Variants in NTM observed in about 807,000 individuals in gnomAD.
NTM encodes the protein IgLON family member 2.
A neutral mutation model predicts 42.1 loss-of-function variants in NTM; 13 were observed. That is an observed-to-expected ratio of 0.31 (90% CI 0.20 to 0.49). The LOEUF is 0.49. NTM is among the 20% of genes least tolerant of loss of function. The pLI is 0.99. For synonymous variants in NTM, 187 were observed against 179.2 expected, an observed-to-expected ratio of 1.04 and a Z score of -0.35; for missense variants, 373 against 452.8, an observed-to-expected ratio of 0.82 and a Z score of 1.60.
chr11:132,149,611 C>A (rs1362654762), intron 3 of NTM, among the ~76,000 whole-genome samples: 1 of 152,164 alleles, frequency 6.6e-6, no homozygotes, highest in Non-Finnish European at 1.5e-5. Context: ...TCCCATCTAC[C>A]CCCTAGTTCT....
chr11:131,671,571 C>T, intron 1 of NTM: 8 of 985,386 alleles, frequency 8.1e-6, no homozygotes, highest in Non-Finnish European at 9.6e-6. Flanking sequence ...CCCTCACCCT[C>T]CTCTGGAGCC....
At position 132,091,539 on chromosome 11, in the gene NTM, G is replaced by C. The variant is rs554978104; in HGVS notation, c.168-54743G>C. ...TCTGTCACCCAGGCTGGAGTGCAGT[G>C]TGGTGATCATGGCTCACTGCAGCCT... is the stretch of plus-strand genomic sequence containing the variant. On this transcript the variant is annotated intron_variant, in intron 2 of 8. Transcript: ENST00000683400. Among the ~76,000 whole-genome samples, 7 of 152,204 alleles carry C rather than the reference G, an allele frequency of 4.6e-5. No homozygotes were observed. In the South Asian group the frequency reaches 1.5e-3, roughly 32 times the overall value.
chr11:132,145,343 A>G (rs1433404766), intron 2 of NTM, among the ~76,000 whole-genome samples: 1 of 152,254 alleles, frequency 6.6e-6, no homozygotes, highest in Non-Finnish European at 1.5e-5. Flanking sequence ...CATTTGAGAC[A>G]TCATTATACA....
rs1460608348 is a variant in NTM at position 131,778,685 on chromosome 11, C to T, written c.83-132879C>T. ...ATATGCAGTACAGGAACTTTAGTCT[C>T]ATTCTATCTTCCTCTTCAATATTGA... is the stretch of plus-strand genomic sequence containing the variant. On this transcript the variant is annotated intron_variant, in intron 1 of 8. Coordinates refer to ENST00000683400, the MANE Select transcript of NTM (RefSeq NM_001352005.2). Among the ~76,000 whole-genome samples the T allele has an allele frequency of 2.0e-5, 3 of 152,204 alleles. No individual in the cohort carries two copies. In the South Asian group the frequency reaches 6.2e-4, roughly 32 times the overall value.
chr11:131,481,750 C>T (rs915877023), intron 1 of NTM, among the ~76,000 whole-genome samples: 1 of 152,142 alleles, frequency 6.6e-6, no homozygotes, highest in Non-Finnish European at 1.5e-5. Flanking sequence ...GCATTGTTAA[C>T]AGTACAATCT....
chr11:132,164,456 C>T (rs1348172719), intron 3 of NTM, among the ~76,000 whole-genome samples: 4 of 152,134 alleles, frequency 2.6e-5, no homozygotes, highest in Non-Finnish European at 2.9e-5. Context: ...ATCAACTTTG[C>T]GTTTTCAAAA....
At chr11:131,424,600 C>CTTTTCTTTTT (rs1555108116) in intron 1 of NTM, among the ~76,000 whole-genome samples, 6 of 56,038 alleles carry the variant, frequency 1.1e-4, no homozygotes, top group Non-Finnish European at 1.6e-4. Flanking sequence ...CTTTTCTTTT[C>CTTTTCTTTTT]TTTTTTTTTT....
chr11:132,078,238 T>A (rs2058610077), intron 2 of NTM, among the ~76,000 whole-genome samples: 1 of 152,222 alleles, frequency 6.6e-6, no homozygotes. Flanking sequence ...GGATTCCAAA[T>A]GAGGACTGCT....
At chr11:132,219,250 A>G (rs539680529) in intron 4 of NTM, among the ~76,000 whole-genome samples, 48 of 152,156 alleles carry the variant, frequency 3.2e-4, no homozygotes, top group Admixed American at 1.6e-3. Context: ...TGATTCACCC[A>G]TTTCTTTGAG....
At chr11:132,318,020 C>T (rs2095475431) in intron 7 of NTM, among the ~76,000 whole-genome samples, 1 of 152,162 alleles carries the variant, frequency 6.6e-6, no homozygotes, top group African/African-American at 2.4e-5. Flanking sequence ...ACTGACTGAG[C>T]AGTTTTCATA....
intron 4 of NTM, chr11:132,284,943 C>T (rs995202331): frequency 6.6e-6 from 1 of 152,576 alleles, no homozygotes; most frequent in Non-Finnish European, 1.5e-5. Context: ...GAGGAAAGCA[C>T]AGCTCCAAGA....
At chr11:131,515,479 C>A (rs550228099) in intron 1 of NTM, among the ~76,000 whole-genome samples, 4 of 152,290 alleles carry the variant, frequency 2.6e-5, no homozygotes, top group Admixed American at 2.0e-4. Context: ...TGAACATGAG[C>A]CGTTACATGT....
chr11:131,538,811 G>A lies in NTM; in HGVS notation c.82+167923G>A, dbSNP rs563557236. Among the ~76,000 whole-genome samples, 61 of 152,070 alleles carry A rather than the reference G, an allele frequency of 4.0e-4. No individual in the cohort carries two copies. The Middle Eastern group carries it at 0.017, about 42-fold the overall frequency. On this transcript the variant is annotated intron_variant, in intron 1 of 8. Coordinates refer to ENST00000683400, the MANE Select transcript of NTM (RefSeq NM_001352005.2). ...TTTTTGAGCTCTATTGTACAGCATG[G>A]GGACTACAGTTAATAATGTGTTGCA...
chr11:131,483,238 G>A (rs761691051), intron 1 of NTM, among the ~76,000 whole-genome samples: 1 of 152,196 alleles, frequency 6.6e-6, no homozygotes, highest in Non-Finnish European at 1.5e-5. Flanking sequence ...AATACATTCT[G>A]TGGTTCCAAC....
At chr11:132,130,706 T>A (rs1266193190) in intron 2 of NTM, among the ~76,000 whole-genome samples, 1 of 152,196 alleles carries the variant, frequency 6.6e-6, no homozygotes, top group African/African-American at 2.4e-5. Flanking sequence ...GCTAGGGGTT[T>A]CAAACAGCCC....
intron 3 of NTM, among the ~76,000 whole-genome samples, chr11:132,194,278 T>G (rs987851743): frequency 3.3e-5 from 5 of 152,154 alleles, no homozygotes; most frequent in Admixed American, 3.3e-4. Flanking sequence ...CATGATGAAG[T>G]AGGCTTTATT....
chr11:131,691,350 G>A (rs760963677), intron 1 of NTM, among the ~76,000 whole-genome samples: 94 of 152,328 alleles, frequency 6.2e-4, no homozygotes, highest in Non-Finnish European at 1.2e-3. Flanking sequence ...GGCGCTGCCC[G>A]GATGATAAGG....
intron 2 of NTM, among the ~76,000 whole-genome samples, chr11:131,971,262 G>A (rs1044860417): frequency 6.6e-6 from 1 of 152,128 alleles, no homozygotes; most frequent in Non-Finnish European, 1.5e-5. Flanking sequence ...TTAAAACCAT[G>A]TTCACGGGTG....
chr11:131,387,640 C>T (rs372820551), intron 1 of NTM, among the ~76,000 whole-genome samples: 9 of 152,196 alleles, frequency 5.9e-5, no homozygotes, highest in African/African-American at 1.2e-4. Flanking sequence ...GTTTCTCCCA[C>T]GTAGGACCAT....
Sources: allele counts gnomAD v4.1 joint callset (sites outside exome capture counted in the v4.1 genomes callset), GRCh38; gene constraint gnomAD v4.1.1; transcripts MANE v1.5; gene names NCBI Gene and HGNC (gene_info 2026-07-23, HGNC 2026-07-21).